IPCEF1: variants seen among roughly 807,000 people sequenced by gnomAD.
IPCEF1 encodes interactor protein for cytohesin exchange factors 1.
In IPCEF1, 31 loss-of-function variants were observed where a neutral mutation model predicts 50.9. The ratio of observed to expected loss-of-function variants is 0.61; its 90% CI spans 0.46 to 0.82. The LOEUF (loss-of-function observed/expected upper bound fraction) is 0.82. Ranked by LOEUF, IPCEF1 falls within the 40% of genes least tolerant of loss-of-function variation. The pLI, the probability that IPCEF1 is intolerant of heterozygous loss-of-function variation, is 0.00. For missense variants in IPCEF1, 458 were observed against 514.0 expected (o/e 0.89, Z 1.05); for synonymous variants, 181 against 192.0 (o/e 0.94, Z 0.47).
chr6:154,333,569 TAC>T (rs1277965942), intron 1 of IPCEF1, among the ~76,000 whole-genome samples: 15 of 151,318 alleles, frequency 9.9e-5, no homozygotes, highest in Admixed American at 4.6e-4. Flanking sequence ...CATATATATA[TAC>T]ACACACACAC....
chr6:154,159,782 G>A lies in IPCEF1; in HGVS notation c.*46C>T. The A allele has an allele frequency of 1.4e-6, 2 of 1,430,410 alleles. No homozygotes were observed. The highest frequency in any genetic ancestry group is 2.0e-6 in the Non-Finnish European group (2 of 1,024,642). The allele number at this position is 1,430,410 out of a possible 1,614,324, so 88.6% of individuals were successfully genotyped here. The stretch of plus-strand genomic sequence containing the variant: ...ATGTAAGCTTTTGCAACATCTTGAA[G>A]AGTTGCTTGTGATAAAATATAAGAG... On this transcript the variant is annotated 3_prime_UTR_variant, in exon 12 of 12. Coordinates refer to ENST00000367220, the MANE Select transcript of IPCEF1 (RefSeq NM_001130700.2).
chr6:154,211,418 GAA>G (rs78285288), intron 9 of IPCEF1, among the ~76,000 whole-genome samples: 2 of 107,090 alleles, frequency 1.9e-5, no homozygotes. Flanking sequence ...CAAAAACAAA[GAA>G]AAAAAAAAAA....
At chr6:154,278,840 G>T (rs1362877414) in intron 2 of IPCEF1, among the ~76,000 whole-genome samples, 3 of 151,692 alleles carry the variant, frequency 2.0e-5, no homozygotes, top group South Asian at 4.2e-4. Flanking sequence ...AGTGGGCCAG[G>T]CGTGGTGGCT....
At chr6:154,208,603 T>G (rs1348535900) in intron 9 of IPCEF1, among the ~76,000 whole-genome samples, 1 of 152,268 alleles carries the variant, frequency 6.6e-6, no homozygotes. Context: ...TTTAGAATGC[T>G]GGCTCTCAAT....
intron 1 of IPCEF1, among the ~76,000 whole-genome samples, chr6:154,320,706 A>G (rs893238090): frequency 1.3e-5 from 2 of 152,128 alleles, no homozygotes; most frequent in African/African-American, 2.4e-5. Flanking sequence ...AAATTTCCCA[A>G]ACAAAACTGT....
At position 154,193,333 on chromosome 6, in the gene IPCEF1, C is replaced by T. The variant is rs563527146; in HGVS notation, c.910+6335G>A. On this transcript the variant is annotated intron_variant, in intron 10 of 11. Coordinates refer to ENST00000367220, the MANE Select transcript of IPCEF1 (RefSeq NM_001130700.2). ...GCTAAGCTATGAGGATGCAAAGGCA[C>T]GATAAAATAGACTTTGGGGACTCGG... Among the ~76,000 whole-genome samples, 9 of 151,998 alleles carry T rather than the reference C, an allele frequency of 5.9e-5. No homozygotes were observed. In the South Asian group the frequency reaches 1.3e-3, roughly 21 times the overall value.
intron 10 of IPCEF1, among the ~76,000 whole-genome samples, chr6:154,193,670 T>C (rs1241383617): frequency 6.6e-6 from 1 of 152,228 alleles, no homozygotes; most frequent in Admixed American, 6.5e-5. Context: ...AAGACCCCTC[T>C]GATAACTTTC....
rs1784223562 is a variant in IPCEF1 at position 154,356,755 on chromosome 6, A to T, written c.-145T>A. The T allele has an allele frequency of 6.6e-6, 1 of 152,208 alleles. No homozygotes were observed. Among genetic ancestry groups the T allele is most frequent in the African/African-American group, 2.4e-5 (1 of 41,446 alleles). 9.4% of individuals were successfully genotyped at this position (152,208 alleles called of 1,614,324 possible). A position where few individuals can be genotyped will look rare whatever the true frequency, so the allele number is the denominator to read the frequency against. On this transcript the variant is annotated 5_prime_UTR_variant, in exon 1 of 12. Coordinates refer to ENST00000367220, the MANE Select transcript of IPCEF1 (RefSeq NM_001130700.2). The stretch of plus-strand genomic sequence containing the variant: ...TAGTACTCTGAGGCCAAGCTTGAGG[A>T]TTCTACTTAAAGCAGCCTCAGCTCT...
At chr6:154,283,152 C>G (rs1321980259) in intron 2 of IPCEF1, among the ~76,000 whole-genome samples, 1 of 151,512 alleles carries the variant, frequency 6.6e-6, no homozygotes, top group Non-Finnish European at 1.5e-5. Flanking sequence ...AAAAATTAGC[C>G]AGGCATGGTG....
intron 10 of IPCEF1, among the ~76,000 whole-genome samples, chr6:154,172,928 T>C (rs1013065775): frequency 2.0e-5 from 3 of 152,036 alleles, no homozygotes; most frequent in Non-Finnish European, 2.9e-5. Context: ...AGACACCTCA[T>C]ATCAGTGGGT....
At chr6:154,337,968 G>A (rs1206728659) in intron 1 of IPCEF1, among the ~76,000 whole-genome samples, 1 of 152,212 alleles carries the variant, frequency 6.6e-6, no homozygotes, top group South Asian at 2.1e-4. Context: ...CTGTGGCTCA[G>A]AAGAGTTAAG....
At chr6:154,180,632 G>A (rs1328138298) in intron 10 of IPCEF1, among the ~76,000 whole-genome samples, 1 of 151,984 alleles carries the variant, frequency 6.6e-6, no homozygotes. Flanking sequence ...ACTGTATGCA[G>A]ATTATCTCTT....
At chr6:154,214,545 T>C (rs1211863598) in intron 7 of IPCEF1, among the ~76,000 whole-genome samples, 1 of 152,228 alleles carries the variant, frequency 6.6e-6, no homozygotes, top group African/African-American at 2.4e-5. Context: ...TCCAAATATA[T>C]GAACAAACAC....
At chr6:154,181,506 A>C (rs1800866725) in intron 10 of IPCEF1, among the ~76,000 whole-genome samples, 1 of 152,248 alleles carries the variant, frequency 6.6e-6, no homozygotes. Flanking sequence ...TATGCTATGA[A>C]TATATATATT....
chr6:154,227,766 G>A (rs1779374642), intron 5 of IPCEF1, among the ~76,000 whole-genome samples: 1 of 152,168 alleles, frequency 6.6e-6, no homozygotes, highest in South Asian at 2.1e-4. Flanking sequence ...AAAAATAAAT[G>A]GTAAATCTTC....
intron 9 of IPCEF1, among the ~76,000 whole-genome samples, chr6:154,211,767 T>G (rs1020955085): frequency 2.0e-5 from 3 of 152,232 alleles, no homozygotes; most frequent in Non-Finnish European, 4.4e-5. Context: ...TTGTGTTTTT[T>G]GCATTATTTT....
chr6:154,225,589 G>A (rs1462852902), intron 5 of IPCEF1, among the ~76,000 whole-genome samples: 1 of 152,158 alleles, frequency 6.6e-6, no homozygotes, highest in Non-Finnish European at 1.5e-5. Context: ...AGGGTCCCAG[G>A]CAGTAGGAAA....
At chr6:154,261,745 C>G (rs1781607143) in intron 3 of IPCEF1, among the ~76,000 whole-genome samples, 1 of 152,134 alleles carries the variant, frequency 6.6e-6, no homozygotes. Context: ...TTTAGCACCA[C>G]TTACCATACC....
At chr6:154,264,148 A>G in intron 3 of IPCEF1, among the ~76,000 whole-genome samples, 1 of 151,962 alleles carries the variant, frequency 6.6e-6, no homozygotes, top group South Asian at 2.1e-4. Context: ...TTATCAAAAA[A>G]CACCCACCCA....
Sources: allele counts gnomAD v4.1 joint callset (sites outside exome capture counted in the v4.1 genomes callset), GRCh38; gene constraint gnomAD v4.1.1; transcripts MANE v1.5; gene names NCBI Gene and HGNC (gene_info 2026-07-23, HGNC 2026-07-21).